The following TSPEAR variants were observed in gnomAD, a reference collection of about 807,000 sequenced individuals.
TSPEAR encodes the protein thrombospondin-type laminin G domain and EAR repeat-containing protein.
Under a neutral mutation model 71.6 loss-of-function variants are expected in TSPEAR, and 69 were observed. The ratio of observed to expected loss-of-function variants is 0.96; its 90% CI spans 0.79 to 1.18. The LOEUF is 1.18. TSPEAR is among the 50% of genes most tolerant of loss of function. The pLI, the probability that TSPEAR is intolerant of heterozygous loss-of-function variation, is 0.00. For synonymous variants in TSPEAR, 402 were observed against 387.2 expected, an observed-to-expected ratio of 1.04 and a Z score of -0.45; for missense variants, 971 against 894.9, an observed-to-expected ratio of 1.09 and a Z score of -1.09.
At chr21:44,703,778 C>CAGTG (rs1987772941) in intron 1 of TSPEAR, among the ~76,000 whole-genome samples, 1 of 152,146 alleles carries the variant, frequency 6.6e-6, no homozygotes, top group Non-Finnish European at 1.5e-5. Flanking sequence ...TGGGGGTTTC[C>CAGTG]TTTGGGGCCA....
chr21:44,610,596 A>C (rs1000472796), intron 1 of TSPEAR, among the ~76,000 whole-genome samples: 2 of 152,238 alleles, frequency 1.3e-5, no homozygotes, highest in African/African-American at 2.4e-5. Flanking sequence ...GCAGAAGGGA[A>C]ATGTAGGGCC....
chr21:44,646,445 C>T (rs782368576), intron 1 of TSPEAR: 2 of 1,595,438 alleles, frequency 1.3e-6, no homozygotes, highest in Non-Finnish European at 8.5e-7. Flanking sequence ...AGCTCACCTC[C>T]TCCCCACCCC....
At chr21:44,628,280 C>T (rs181355860) in intron 1 of TSPEAR, 4 of 355,632 alleles carry the variant, frequency 1.1e-5, no homozygotes, top group South Asian at 6.5e-5. Flanking sequence ...CACAACCCTC[C>T]GCTGGTCGCT....
chr21:44,702,188 G>A, intron 1 of TSPEAR: 1 of 1,526,624 alleles, frequency 6.6e-7, no homozygotes, highest in Non-Finnish European at 8.8e-7. Flanking sequence ...ACCCCACAGA[G>A]CAAAAGCTCC....
At chr21:44,697,574 T>G (rs1237684767) in intron 1 of TSPEAR, 2 of 1,613,240 alleles carry the variant, frequency 1.2e-6, no homozygotes, top group Non-Finnish European at 1.7e-6. Flanking sequence ...GCCCGTCTGC[T>G]GTGGGCCTTC....
chr21:44,706,243 G>C (rs1987907704), intron 1 of TSPEAR, among the ~76,000 whole-genome samples: 1 of 152,166 alleles, frequency 6.6e-6, no homozygotes, highest in Admixed American at 6.5e-5. Context: ...AACATGCACC[G>C]GCAAAACCAA....
intron 2 of TSPEAR, among the ~76,000 whole-genome samples, chr21:44,536,189 C>T (rs1555916359): frequency 6.6e-6 from 1 of 152,200 alleles, no homozygotes; most frequent in Non-Finnish European, 1.5e-5. Context: ...ACACTCTGGC[C>T]CCCTTTCCGG....
At chr21:44,654,462 CCCACACAGGGGCCGGCACAGCAGAG>C in intron 1 of TSPEAR, 1 of 1,613,966 alleles carries the variant, frequency 6.2e-7, no homozygotes, top group Non-Finnish European at 8.5e-7. Flanking sequence ...AGGTGGATAC[CCCACACAGGGGCCGGCACAGCAGAG>C]CCACACAGGG....
rs78902462 is a variant in TSPEAR, at chr21:44,649,177, G to A, written c.82+62256C>T. 8.6e-3 allele frequency among the ~76,000 whole-genome samples: 1,309 copies of A among 152,314 alleles called. 26 individuals carry two copies. Among genetic ancestry groups the A allele is most frequent in the African/African-American group, 0.029 (1,189 of 41,554 alleles). On this transcript the variant is annotated intron_variant, in intron 1 of 11. Coordinates refer to ENST00000323084, the MANE Select transcript of TSPEAR (RefSeq NM_144991.3). ...GAGGGTGTCTGTAAGGCGAGGACATGGTTGGTGCATGCTCGTCAGGGTGTG... is the reference window on the plus strand; with the variant it reads ...GAGGGTGTCTGTAAGGCGAGGACATAGTTGGTGCATGCTCGTCAGGGTGTG...
At chr21:44,581,068 A>C (rs1555925078) in intron 1 of TSPEAR, among the ~76,000 whole-genome samples, 1 of 152,198 alleles carries the variant, frequency 6.6e-6, no homozygotes, top group Non-Finnish European at 1.5e-5. Context: ...CAGCTGGCAC[A>C]GAGGGTACGA....
chr21:44,503,367 G>A (rs1202286537), intron 11 of TSPEAR, among the ~76,000 whole-genome samples: 1 of 141,014 alleles, frequency 7.1e-6, no homozygotes, highest in African/African-American at 2.7e-5. Context: ...GGAGGAAGCC[G>A]GCCTCGGTGA....
chr21:44,527,492 C>T lies in TSPEAR; in HGVS notation c.949G>A (p.Glu317Lys), dbSNP rs1555915107. The T allele has an allele frequency of 1.9e-6, 3 of 1,614,226 alleles. No homozygotes were observed. Among genetic ancestry groups the T allele is most frequent in the East Asian group, 2.2e-5 (1 of 44,888 alleles). ...GAGTTGGTGGACAAGTTCTGATGCT[C>T]CTCCACGTAGTCCAGTCTTTCTTTG... ...AAKERLDYVE[E>K]HQNLSTNSET... The change falls in exon 7 of 12, where the codon GAG becomes AAG. Residue 317 changes from glutamate (E) to lysine (K), a missense_variant. Transcript: ENST00000323084.
chr21:44,559,470 C>A (rs2053602246), intron 2 of TSPEAR, among the ~76,000 whole-genome samples: 1 of 152,144 alleles, frequency 6.6e-6, no homozygotes. Context: ...TGTTATGGGG[C>A]CTTCCCCCGG....
At chr21:44,558,826 T>C (rs932281569) in intron 2 of TSPEAR, 1 of 1,375,202 alleles carries the variant, frequency 7.3e-7, no homozygotes, top group Non-Finnish European at 9.9e-7. Flanking sequence ...GGAACCTTTA[T>C]ACCCCTCTGT....
In TSPEAR at chr21:44,621,969, C is replaced by A. The variant is rs4818945; in HGVS notation, c.83-53964G>T. On this transcript the variant is annotated intron_variant, in intron 1 of 11. Transcript: ENST00000323084. Reference sequence around the variant, plus strand: ...TCCCCATCCTAGTCCCTGGCAGCCACTGACATTTTTTTTGGTCCCTTTACA... The same window carrying A: ...TCCCCATCCTAGTCCCTGGCAGCCAATGACATTTTTTTTGGTCCCTTTACA... Among the ~76,000 whole-genome samples, 48 of 152,302 alleles carry A rather than the reference C, an allele frequency of 3.2e-4. No homozygotes were observed. The South Asian group carries it at 7.7e-3, about 24-fold the overall frequency.
At chr21:44,631,280 A>C (rs1337702494) in intron 1 of TSPEAR, among the ~76,000 whole-genome samples, 1 of 152,240 alleles carries the variant, frequency 6.6e-6, no homozygotes, top group Non-Finnish European at 1.5e-5. Flanking sequence ...AGAGGAATCA[A>C]ATAGAAATTC....
intron 1 of TSPEAR, among the ~76,000 whole-genome samples, chr21:44,644,994 T>A (rs1272522155): frequency 6.6e-6 from 1 of 152,110 alleles, no homozygotes; most frequent in Non-Finnish European, 1.5e-5. Context: ...TCGGCAACAC[T>A]GGACATCACA....
chr21:44,685,898 G>A (rs1295135802), intron 1 of TSPEAR, among the ~76,000 whole-genome samples: 4 of 152,210 alleles, frequency 2.6e-5, no homozygotes, highest in Non-Finnish European at 4.4e-5. Flanking sequence ...CACCCCGAAT[G>A]CTGGCAAAGA....
chr21:44,634,116 G>A (rs1198215352), intron 1 of TSPEAR, among the ~76,000 whole-genome samples: 4 of 152,164 alleles, frequency 2.6e-5, no homozygotes, highest in Non-Finnish European at 5.9e-5. Flanking sequence ...AAATATAGTG[G>A]TGTGCACCTG....
Sources: gnomAD v4.1 joint callset for allele counts (sites outside exome capture counted in the v4.1 genomes callset) on GRCh38, gnomAD v4.1.1 for gene constraint, MANE v1.5 for transcripts, NCBI Gene and HGNC (gene_info 2026-07-23, HGNC 2026-07-21) for gene names.